The following TOGARAM1 variants were observed in gnomAD, a reference collection of about 807,000 sequenced individuals.
TOGARAM1 encodes TOG array regulator of axonemal microtubules protein 1.
A neutral mutation model predicts 166.6 loss-of-function variants in TOGARAM1; 100 were observed. The observed-to-expected ratio is 0.60, with a 90% CI of 0.51 to 0.71. The LOEUF is 0.71. TOGARAM1 is among the 30% of genes least tolerant of loss of function. The pLI, the probability that TOGARAM1 is intolerant of heterozygous loss-of-function variation, is 0.00. For synonymous variants in TOGARAM1, 758 were observed against 763.8 expected (o/e 0.99, Z 0.13); for missense variants, 2,029 against 2,102.7 (o/e 0.96, Z 0.69).
At chr14:44,984,239 G>A (rs1029859686) in intron 1 of TOGARAM1, among the ~76,000 whole-genome samples, 14 of 151,650 alleles carry the variant, frequency 9.2e-5, no homozygotes, top group South Asian at 4.2e-4. Context: ...GAAATAAAGC[G>A]GTTAAAATGA....
At chr14:44,981,111 A>C (rs1256081873) in intron 1 of TOGARAM1, among the ~76,000 whole-genome samples, 1 of 152,218 alleles carries the variant, frequency 6.6e-6, no homozygotes. Flanking sequence ...GAGATAAGAA[A>C]GTCTAGAAGT....
intron 1 of TOGARAM1, among the ~76,000 whole-genome samples, chr14:44,973,605 C>CAT (rs964388009): frequency 1.6e-4 from 23 of 144,560 alleles, no homozygotes; most frequent in East Asian, 6.1e-4. Flanking sequence ...TCTATATATA[C>CAT]ATATATATAT....
intron 16 of TOGARAM1, among the ~76,000 whole-genome samples, chr14:45,057,650 T>C (rs1262250850): frequency 6.6e-6 from 1 of 152,214 alleles, no homozygotes; most frequent in Non-Finnish European, 1.5e-5. Flanking sequence ...ATTTTGTGTT[T>C]CCCTTTTCAT....
At chr14:45,065,619 G>T (rs1234942149) in intron 16 of TOGARAM1, among the ~76,000 whole-genome samples, 1 of 152,092 alleles carries the variant, frequency 6.6e-6, no homozygotes, top group African/African-American at 2.4e-5. Context: ...ATTCCTGCTG[G>T]TCTCTAGTTT....
intron 18 of TOGARAM1, 145 bp downstream of exon 18, chr14:45,068,788 G>T: frequency 1.8e-6 from 1 of 551,636 alleles, no homozygotes; most frequent in Non-Finnish European, 3.0e-6. Flanking sequence ...TATTCTCAAT[G>T]GTTTTAAAAT....
intron 18 of TOGARAM1, among the ~76,000 whole-genome samples, chr14:45,068,850 T>C (rs1468017300): frequency 6.6e-6 from 1 of 152,142 alleles, no homozygotes; most frequent in East Asian, 1.9e-4. Context: ...TTTTCCCTTA[T>C]CTGTGACTTT....
chr14:45,045,390 C>T (rs1881936897), intron 13 of TOGARAM1, among the ~76,000 whole-genome samples: 1 of 150,596 alleles, frequency 6.6e-6, no homozygotes, highest in South Asian at 2.1e-4. Flanking sequence ...TTTGCATACT[C>T]ATAACTTAGC....
intron 11 of TOGARAM1, chr14:45,042,394 T>C (rs1399574037): frequency 1.3e-5 from 2 of 152,024 alleles, no homozygotes; most frequent in South Asian, 2.1e-4. Context: ...ACCAGGCCTA[T>C]TGTTAAATCA....
chr14:44,977,231 C>CTTTTT (rs397707333), intron 1 of TOGARAM1, among the ~76,000 whole-genome samples: 5 of 123,320 alleles, frequency 4.1e-5, no homozygotes, highest in Non-Finnish European at 3.4e-5. Context: ...ATTAGACAGA[C>CTTTTT]TTTTTTTTTT....
At chr14:44,975,428 C>T (rs1342692204) in intron 1 of TOGARAM1, among the ~76,000 whole-genome samples, 1 of 152,018 alleles carries the variant, frequency 6.6e-6, no homozygotes, top group East Asian at 1.9e-4. Context: ...TCTCCATATT[C>T]CATATTCTTT....
At chr14:45,010,771 A>G (rs1879739825) in intron 6 of TOGARAM1, among the ~76,000 whole-genome samples, 2 of 152,186 alleles carry the variant, frequency 1.3e-5, no homozygotes, top group South Asian at 4.1e-4. Context: ...GAAAGCCACT[A>G]CTACTACCTG....
At chr14:45,048,739 G>C (rs1031534490) in intron 14 of TOGARAM1, among the ~76,000 whole-genome samples, 4 of 152,120 alleles carry the variant, frequency 2.6e-5, no homozygotes, top group Non-Finnish European at 4.4e-5. Flanking sequence ...CACTTTGGGA[G>C]TTGGAGGCGG....
At chr14:45,003,522 C>T (rs1371952515) in intron 3 of TOGARAM1, among the ~76,000 whole-genome samples, 1 of 152,000 alleles carries the variant, frequency 6.6e-6, no homozygotes, top group East Asian at 1.9e-4. Flanking sequence ...GTGATCAGAT[C>T]TTGTTTTTTT....
chr14:45,032,185 AG>A (rs774076675), intron 10 of TOGARAM1, 37 bp from the exon 11 acceptor site: 1 of 1,563,108 alleles, frequency 6.4e-7, no homozygotes. Context: ...TTTTTTAAAA[AG>A]GTTCTCTCAT....
intron 1 of TOGARAM1, among the ~76,000 whole-genome samples, chr14:44,971,947 C>T (rs1885906710): frequency 1.3e-5 from 2 of 151,960 alleles, no homozygotes; most frequent in Admixed American, 6.6e-5. Context: ...GGGTAGACCT[C>T]GGAAATTTAC....
intron 13 of TOGARAM1, 72 bp from the exon 14 acceptor site, chr14:45,046,473 C>T: frequency 8.2e-7 from 1 of 1,215,250 alleles, no homozygotes. Context: ...CAAAAACAAC[C>T]CATAGATCCA....
rs546588188 is a variant in TOGARAM1 at position 45,029,440 on chromosome 14, G to A, written c.3658+1111G>A. Among the ~76,000 whole-genome samples the A allele has an allele frequency of 2.0e-5, 3 of 152,310 alleles. No homozygotes were observed. The South Asian group carries it at 6.2e-4, about 32-fold the overall frequency. ...TAGGCTTTAAAGATTAGGTTTCTGA[G>A]AAGTATAAGGAGAGTACTGCTTTGA... is the stretch of plus-strand genomic sequence containing the variant. On this transcript the variant is annotated intron_variant, in intron 10 of 19. Transcript: ENST00000361462.
At chr14:45,048,695 A>C (rs1050916604) in intron 14 of TOGARAM1, among the ~76,000 whole-genome samples, 1 of 151,460 alleles carries the variant, frequency 6.6e-6, no homozygotes, top group African/African-American at 2.4e-5. Flanking sequence ...GACTGAGGTC[A>C]GCTGGGCGTG....
At chr14:44,983,961 T>C (rs1196147336) in intron 1 of TOGARAM1, among the ~76,000 whole-genome samples, 3 of 152,190 alleles carry the variant, frequency 2.0e-5, no homozygotes, top group African/African-American at 7.2e-5. Context: ...CTACTACCGG[T>C]ATGTAAGTTT....
Sources: gnomAD v4.1 joint callset for allele counts (sites outside exome capture counted in the v4.1 genomes callset) on GRCh38, gnomAD v4.1.1 for gene constraint, MANE v1.5 for transcripts, NCBI Gene and HGNC (gene_info 2026-07-23, HGNC 2026-07-21) for gene names.